SPEG: variants seen among roughly 807,000 people sequenced by gnomAD.
The protein encoded by SPEG is striated muscle enriched protein kinase, also known as striated muscle preferentially expressed protein kinase.
In SPEG, 114 loss-of-function variants were observed where a neutral mutation model predicts 300.4. The ratio of observed to expected loss-of-function variants is 0.38; its 90% CI spans 0.33 to 0.44. SPEG has a LOEUF of 0.44. Ranked by LOEUF, SPEG falls within the 20% of genes least tolerant of loss-of-function variation. The pLI is 1.00. For missense variants in SPEG, 4,201 were observed against 4,586.2 expected (o/e 0.92, Z 2.43); for synonymous variants, 1,964 against 2,018.9 (o/e 0.97, Z 0.73).
intron 6 of SPEG, chr2:219,460,785 C>G (rs1319872236): frequency 1.4e-5 from 14 of 986,268 alleles, no homozygotes; most frequent in Non-Finnish European, 1.4e-5. Flanking sequence ...CCTTCCCCTC[C>G]TCAGGCGCCT....
chr2:219,448,335 C>T lies in SPEG; in HGVS notation c.1177C>T (p.Leu393=), dbSNP rs1689475985. 6.3e-7 allele frequency: 1 copy of T among 1,597,792 alleles called. No individual in the cohort carries two copies. Among genetic ancestry groups the T allele is most frequent in the Non-Finnish European group, 8.5e-7 (1 of 1,173,412 alleles). The change falls in exon 4 of 41, where the codon CTG becomes TTG. Residue 393 remains leucine, a synonymous_variant. Coordinates refer to ENST00000312358, the MANE Select transcript of SPEG (RefSeq NM_005876.5). ...GTCGGCGTTGGGCCGATCGCCTAGG[C>T]TGGTGCGCGCCGGCTCCCGCATCCT... ...RLSALGRSPR[L]VRAGSRILDK... is the part of the protein sequence containing the mutation.
At chr2:219,452,310 C>T (rs1689826425) in intron 6 of SPEG, among the ~76,000 whole-genome samples, 1 of 152,138 alleles carries the variant, frequency 6.6e-6, no homozygotes, top group African/African-American at 2.4e-5. Context: ...AAAAAGGGTA[C>T]AGCCAAGAGC....
intron 1 of SPEG, among the ~76,000 whole-genome samples, chr2:219,442,249 C>G (rs987848804): frequency 2.0e-5 from 3 of 151,658 alleles, no homozygotes; most frequent in African/African-American, 7.3e-5. Flanking sequence ...TCTAGGGGCG[C>G]CCGGGTCTGT....
rs375235228 is a variant in SPEG, at chr2:219,490,453, G to A, written c.8966G>A (p.Gly2989Glu). 4.3e-6 allele frequency: 7 copies of A among 1,613,008 alleles called. No individual in the cohort carries two copies. The highest frequency in any genetic ancestry group is 5.9e-6 in the Non-Finnish European group (7 of 1,179,958). The change falls in exon 37 of 41, where the codon GGG (glycine) becomes GAG (glutamate). Residue 2989 changes from glycine to glutamate, a missense_variant. By Grantham distance (98) the Gly-to-Glu change is moderately conservative. This residue lies in a region of SPEG where 318 missense variants were observed against 429.5 expected (regional missense o/e 0.74). Transcript: ENST00000312358. ...CGAGCGTGCCGGGAGAATGCCACGG[G>A]GCGAACGTTCGTGGCCAAGATCGTG... The part of the protein sequence containing the change: ...VVRACRENAT[G>E]RTFVAKIVPY...
At chr2:219,488,440 G>A in intron 32 of SPEG, 58 bp from the exon 33 acceptor site, 1 of 1,524,122 alleles carries the variant, frequency 6.6e-7, no homozygotes, top group Non-Finnish European at 8.9e-7. Context: ...AGTGAGTGAG[G>A]GGGCCTGGAC....
chr2:219,457,685 T>C (rs1575084384), intron 6 of SPEG, among the ~76,000 whole-genome samples: 3 of 152,272 alleles, frequency 2.0e-5, no homozygotes, highest in South Asian at 2.1e-4. Context: ...TCTGCACCCA[T>C]AGGGCAAAAG....
chr2:219,479,887 G>A lies in SPEG; in HGVS notation c.5163+27G>A, dbSNP rs1347820110. The stretch of plus-strand genomic sequence containing the variant: ...TGAGGTGGGGACTGGAGAGCAGACA[G>A]CCCCTGTGGGAGCCAGGAGGTGAAG... On this transcript the variant is annotated intron_variant, in intron 24 of 40. Coordinates refer to ENST00000312358, the MANE Select transcript of SPEG (RefSeq NM_005876.5). The surrounding 1 kb of genome is among the most constrained non-coding windows in gnomAD (Gnocchi z 5.5). 6.2e-7 allele frequency: 1 copy of A among 1,614,016 alleles called. No homozygotes were observed. Among genetic ancestry groups the A allele is most frequent in the Non-Finnish European group, 8.5e-7 (1 of 1,179,902 alleles).
In SPEG at chr2:219,479,820, A is replaced by G. The variant is rs1276994745; in HGVS notation, c.5123A>G (p.His1708Arg). The part of the protein sequence containing the change: ...AYMRQVLEGI[H>R]YLHQSHVLHL... ...ATGCGGCAGGTGCTAGAGGGAATAC[A>G]CTACCTGCACCAGAGCCACGTGCTG... is the stretch of plus-strand genomic sequence containing the variant. The change falls in exon 24 of 41, where the codon CAC becomes CGC. Residue 1708 changes from histidine to arginine, a missense_variant. His to Arg is a conservative substitution (Grantham distance 29). Coordinates refer to ENST00000312358, the MANE Select transcript of SPEG (RefSeq NM_005876.5). The surrounding 1 kb of genome is among the most constrained non-coding windows in gnomAD (Gnocchi z 5.5). 11 of 1,614,042 alleles carry G rather than the reference A, an allele frequency of 6.8e-6. No individual in the cohort carries two copies. The highest frequency in any genetic ancestry group is 8.5e-6 in the Non-Finnish European group (10 of 1,180,008).
chr2:219,468,804 G>C, intron 11 of SPEG, 55 bp from the exon 12 acceptor site: 5 of 1,608,114 alleles, frequency 3.1e-6, no homozygotes, highest in Non-Finnish European at 4.3e-6. Flanking sequence ...GGTGCACCCA[G>C]AGGGCAGGGC....
Position 219,488,199 on chromosome 2 carries a change from C to T in SPEG, c.7747C>T (p.Pro2583Ser). 1.9e-6 allele frequency: 3 copies of T among 1,611,270 alleles called. No individual in the cohort carries two copies. Among genetic ancestry groups the T allele is most frequent in the Non-Finnish European group, 2.5e-6 (3 of 1,177,964 alleles). The change falls in exon 32 of 41, where the codon CCC becomes TCC. Residue 2583 changes from proline (P) to serine (S), a missense_variant. Coordinates refer to ENST00000312358, the MANE Select transcript of SPEG (RefSeq NM_005876.5). ...HQYVRSESDF[P>S]PVFHIKLKDQ... Reference sequence around the variant, plus strand: ...TGTCTCTGCTTTTCCTCCAGACTTCCCCCCAGTCTTCCACATCAAACTCAA... The same window carrying T: ...TGTCTCTGCTTTTCCTCCAGACTTCTCCCCAGTCTTCCACATCAAACTCAA...
In SPEG at chr2:219,477,931, T is replaced by C. The variant is rs1236236287; in HGVS notation, c.4853T>C (p.Ile1618Thr). The C allele has an allele frequency of 6.2e-7, 1 of 1,614,138 alleles. No individual in the cohort carries two copies. Among genetic ancestry groups the C allele is most frequent in the Non-Finnish European group, 8.5e-7 (1 of 1,180,044 alleles). ...GRGAFSYLRRIVERSSGLEFA... is the reference protein window; with the variant it reads ...GRGAFSYLRRTVERSSGLEFA... ...GGTGCTTTCTCCTACTTGCGGCGCA[T>C]AGTGGAGCGTAGCTCCGGCCTGGAG... is the stretch of plus-strand genomic sequence containing the variant. The change falls in exon 22 of 41, where the codon ATA becomes ACA. Residue 1618 changes from isoleucine to threonine, a missense_variant. Ile to Thr is a moderately conservative substitution (Grantham distance 89). Transcript: ENST00000312358. This position sits in a 1 kb window ranked among gnomAD's most constrained non-coding sequence, Gnocchi z 6.4.
Position 219,461,989 on chromosome 2 carries a change from A to G in SPEG, c.2548A>G (p.Met850Val), listed in dbSNP as rs754049884. ...PGETWPRTPT[M>V]KPSPSQNRRS... Reference sequence around the variant, plus strand: ...GGAGACCTGGCCGCGAACCCCCACCATGAAGCCCAGTCCCAGCCAGAACCG... The same window carrying G: ...GGAGACCTGGCCGCGAACCCCCACCGTGAAGCCCAGTCCCAGCCAGAACCG... The change falls in exon 7 of 41, where the codon ATG (methionine) becomes GTG (valine). Residue 850 changes from methionine to valine, a missense_variant. By Grantham distance (21) the Met-to-Val change is conservative. Coordinates refer to ENST00000312358, the MANE Select transcript of SPEG (RefSeq NM_005876.5). The G allele has an allele frequency of 1.4e-5, 23 of 1,611,330 alleles. No individual in the cohort carries two copies. In the South Asian group the frequency reaches 1.9e-4, roughly 13 times the overall value.
chr2:219,436,389 C>T (rs1228538044), intron 1 of SPEG, among the ~76,000 whole-genome samples: 1 of 152,224 alleles, frequency 6.6e-6, no homozygotes, highest in Non-Finnish European at 1.5e-5. Context: ...AAGGCAGAGC[C>T]TTGGGCAGGC....
intron 7 of SPEG, 57 bp downstream of exon 7, chr2:219,462,114 C>A (rs1690766255): frequency 2.1e-6 from 3 of 1,405,346 alleles, no homozygotes; most frequent in Non-Finnish European, 2.9e-6. Context: ...CTTTGGGTGC[C>A]CCCTTGTTCT....
chr2:219,445,471 A>C lies in SPEG; in HGVS notation c.815+310A>C. The stretch of plus-strand genomic sequence containing the variant: ...TCAGGGGCCCTCTTTTGCCTCACCC[A>C]TTTGGGCTCCAGTTGTCCCCAGGAT... On this transcript the variant is annotated intron_variant, in intron 3 of 40. Coordinates refer to ENST00000312358, the MANE Select transcript of SPEG (RefSeq NM_005876.5). This position sits in a 1 kb window ranked among gnomAD's most constrained non-coding sequence, Gnocchi z 6.1. 3 of 423,564 alleles carry C rather than the reference A, an allele frequency of 7.1e-6. No individual in the cohort carries two copies. The highest frequency in any genetic ancestry group is 2.9e-5 in the South Asian group (1 of 34,370). The allele number at this position is 423,564 out of a possible 1,614,324, so 26.2% of individuals were successfully genotyped here.
At chr2:219,485,531 C>T in intron 31 of SPEG, 54 bp downstream of exon 31, 2 of 1,489,434 alleles carry the variant, frequency 1.3e-6, no homozygotes, top group Non-Finnish European at 8.9e-7. Context: ...CCTCCCCTAC[C>T]CCCATCAGGG....
At position 219,454,474 on chromosome 2, in the gene SPEG, G is replaced by A. The variant is rs577149239; in HGVS notation, c.2440+2667G>A. On this transcript the variant is annotated intron_variant, in intron 6 of 40. Transcript: ENST00000312358. ...ACAAGTATTTATTGAGTGCCAACCAGGTGCCAAGTGCTACAGCTCTCTAAA... is the reference window on the plus strand; with the variant it reads ...ACAAGTATTTATTGAGTGCCAACCAAGTGCCAAGTGCTACAGCTCTCTAAA... Among the ~76,000 whole-genome samples, 6 of 152,292 alleles carry A rather than the reference G, an allele frequency of 3.9e-5. No individual in the cohort carries two copies. In the South Asian group the frequency reaches 1.0e-3, roughly 26 times the overall value.
In SPEG at chr2:219,451,511, C is replaced by T. The variant is rs953867021; in HGVS notation, c.2258-114C>T. 1.2e-5 allele frequency: 14 copies of T among 1,210,154 alleles called. No individual in the cohort carries two copies. Among genetic ancestry groups the T allele is most frequent in the Non-Finnish European group, 1.6e-5 (14 of 902,326 alleles). The allele number at this position is 1,210,154 out of a possible 1,614,324, so 75.0% of individuals were successfully genotyped here. A position where few individuals can be genotyped will look rare whatever the true frequency, so the allele number is the denominator to read the frequency against. ...ATGAGGGCGGACTCTTCCAGATTCC[C>T]TGGGGTGCTGAGAGGAGAGGTTTGG... On this transcript the variant is annotated intron_variant, in intron 5 of 40. Coordinates refer to ENST00000312358, the MANE Select transcript of SPEG (RefSeq NM_005876.5). This position sits in a 1 kb window ranked among gnomAD's most constrained non-coding sequence, Gnocchi z 6.4.
chr2:219,483,992 A>C lies in SPEG; in HGVS notation c.6529A>C (p.Ser2177Arg). 1 of 1,611,816 alleles carries C rather than the reference A, an allele frequency of 6.2e-7. No individual in the cohort carries two copies. The highest frequency in any genetic ancestry group is 8.5e-7 in the Non-Finnish European group (1 of 1,179,812). Residue 2177 changes from serine (S) to arginine (R), a missense_variant, in exon 30 of 41, where the codon AGC (serine) becomes CGC (arginine). Ser to Arg is a moderately radical substitution (Grantham distance 110). Around this residue, in one of 4 missense-constraint regions of SPEG, gnomAD observed 1,578 missense variants for 1,506.0 expected, o/e 1.05. Coordinates refer to ENST00000312358, the MANE Select transcript of SPEG (RefSeq NM_005876.5). ...TGCCCTCAGCGAGGCCCAGCCATCC[A>C]GCCCTGCACGGCCCAGCGCCCCCAA... is the stretch of plus-strand genomic sequence containing the variant. ...LSALSEAQPS[S>R]PARPSAPKPS...
Sources: allele counts gnomAD v4.1 joint callset (sites outside exome capture counted in the v4.1 genomes callset), GRCh38; gene constraint gnomAD v4.1.1; regional missense constraint gnomAD v4.1.1; non-coding constraint Gnocchi (gnomAD v3.1); transcripts MANE v1.5; gene names NCBI Gene and HGNC (gene_info 2026-07-23, HGNC 2026-07-21).